Variants in DOT1L observed in about 807,000 individuals in gnomAD.
DOT1L encodes the protein histone-lysine N-methyltransferase, H3 lysine-79 specific.
Under a neutral mutation model 153.3 loss-of-function variants are expected in DOT1L, and 33 were observed. The ratio of observed to expected loss-of-function variants is 0.22; its 90% CI spans 0.16 to 0.29. The LOEUF is 0.29. Ranked by LOEUF, DOT1L falls within the 10% of genes least tolerant of loss-of-function variation. DOT1L has a pLI of 1.00. For missense variants in DOT1L, 1,847 were observed against 2,119.9 expected, an observed-to-expected ratio of 0.87 and a Z score of 2.53; for synonymous variants, 1,135 against 965.1, an observed-to-expected ratio of 1.18 and a Z score of -3.26.
chr19:2,214,434 C>T (rs764824312), intron 18 of DOT1L, 37 bp from the exon 19 acceptor site: 30 of 1,603,964 alleles, frequency 1.9e-5, no homozygotes, highest in Non-Finnish European at 2.4e-5. Context: ...GGGCAGGCAG[C>T]CAGCCAGTCG....
intron 19 of DOT1L, chr19:2,214,816 G>A (rs183122362): frequency 4.5e-5 from 26 of 573,346 alleles, no homozygotes; most frequent in South Asian, 2.0e-4. Flanking sequence ...GGGGCATCTC[G>A]GGATTGCTTG....
In DOT1L at chr19:2,204,709, G is replaced by C. The variant is rs1353259064; in HGVS notation, c.787+1930G>C. ...AGGTGGCCAGTAGTGCTGATTCTAG[G>C]GGCCTTGATGGTCCCAGACATGCCC... On this transcript the variant is annotated intron_variant, in intron 9 of 27. Coordinates refer to ENST00000398665, the MANE Select transcript of DOT1L (RefSeq NM_032482.3). The surrounding 1 kb of genome is among the most constrained non-coding windows in gnomAD (Gnocchi z 5.7). 2.0e-5 allele frequency among the ~76,000 whole-genome samples: 3 copies of C among 152,172 alleles called. No individual in the cohort carries two copies. The highest frequency in any genetic ancestry group is 4.4e-5 in the Non-Finnish European group (3 of 68,040).
intron 16 of DOT1L, 27 bp downstream of exon 16, chr19:2,211,869 G>A (rs750383963): frequency 1.4e-5 from 21 of 1,542,370 alleles, no homozygotes; most frequent in South Asian, 3.6e-5. Flanking sequence ...TTGGCATTCC[G>A]CCTTCCCGCA....
In DOT1L at chr19:2,191,279, C is replaced by G. The variant is rs915624512; in HGVS notation, c.493+39C>G. The G allele has an allele frequency of 1.0e-5, 16 of 1,595,962 alleles. No homozygotes were observed. Among genetic ancestry groups the G allele is most frequent in the Non-Finnish European group, 1.4e-5 (16 of 1,165,044 alleles). On this transcript the variant is annotated intron_variant, in intron 5 of 27. Transcript: ENST00000398665. The surrounding 1 kb of genome is among the most constrained non-coding windows in gnomAD (Gnocchi z 6.8). ...GCCATGCCCGGCTCCTGTGCACTTC[C>G]AGGCCACACGCTCTGTGCCTGCCCC...
intron 25 of DOT1L, among the ~76,000 whole-genome samples, chr19:2,224,582 T>G (rs1211305285): frequency 1.3e-5 from 2 of 151,118 alleles, no homozygotes; most frequent in East Asian, 3.9e-4. Flanking sequence ...TTCTCCTGCC[T>G]CAGCCTCCTG....
intron 3 of DOT1L, among the ~76,000 whole-genome samples, chr19:2,188,019 G>A (rs1261879494): frequency 6.6e-6 from 1 of 151,930 alleles, no homozygotes; most frequent in Non-Finnish European, 1.5e-5. Flanking sequence ...CGGCTCTGTG[G>A]GTTCCTCCGG....
At chr19:2,198,861 T>C (rs1006098379) in intron 7 of DOT1L, among the ~76,000 whole-genome samples, 2 of 152,168 alleles carry the variant, frequency 1.3e-5, no homozygotes, top group African/African-American at 4.8e-5. Flanking sequence ...TCAAGGTGCA[T>C]CCGCGATGTG....
chr19:2,210,435 C>G lies in DOT1L; in HGVS notation c.1041C>G (p.Arg347=), dbSNP rs375593817. 6.4e-6 allele frequency: 10 copies of G among 1,565,862 alleles called. No individual in the cohort carries two copies. The highest frequency in any genetic ancestry group is 1.9e-5 in the Admixed American group (1 of 53,082). Residue 347 remains arginine (R), a synonymous_variant, in exon 13 of 28, where the codon CGC becomes CGG. Transcript: ENST00000398665. ...AGGCAGCCCGGCGCCGCCAGCAGCG[C>G]GAGAGCAAGAGCAACGCGGCCACGC... ...EQEAARRRQQ[R]ESKSNAATPT...
intron 18 of DOT1L, 163 bp downstream of exon 18, chr19:2,214,149 G>A: frequency 8.0e-7 from 1 of 1,253,010 alleles, no homozygotes; most frequent in Non-Finnish European, 1.1e-6. Context: ...GCGCGTCACA[G>A]CAGGCAGGCC....
rs912216613 is a variant in DOT1L, at chr19:2,164,273, C to T, written c.81+8C>T. On this transcript the variant is annotated splice_region_variant and intron_variant, in intron 1 of 27. Transcript: ENST00000398665. ...TGGCCGCTGCCGGTCTACGTGAGTG[C>T]CGCCCTCCACCGTCCCTACCTCCCG... The T allele has an allele frequency of 7.9e-6, 10 of 1,259,748 alleles. No individual in the cohort carries two copies. In the African/African-American group the frequency reaches 1.1e-4, roughly 14 times the overall value. 78.0% of individuals were successfully genotyped at this position (1,259,748 alleles called of 1,614,324 possible). A position where few individuals can be genotyped will look rare whatever the true frequency, so the allele number is the denominator to read the frequency against.
rs969521188 is a variant in DOT1L at position 2,190,582 on chromosome 19, C to G, written c.265-430C>G. Among the ~76,000 whole-genome samples, 3 of 152,102 alleles carry G rather than the reference C, an allele frequency of 2.0e-5. No homozygotes were observed. The highest frequency in any genetic ancestry group is 7.2e-5 in the African/African-American group (3 of 41,420). ...CTGCTGCAGCTGGTGGGGAGGAAGG[C>G]GGGGTCCCACGTAGTCGAGTCAGAT... On this transcript the variant is annotated intron_variant, in intron 4 of 27. Coordinates refer to ENST00000398665, the MANE Select transcript of DOT1L (RefSeq NM_032482.3). This position sits in a 1 kb window ranked among gnomAD's most constrained non-coding sequence, Gnocchi z 4.8.
chr19:2,196,323 T>C (rs949911205), intron 7 of DOT1L, among the ~76,000 whole-genome samples: 1 of 152,010 alleles, frequency 6.6e-6, no homozygotes, highest in Non-Finnish European at 1.5e-5. Context: ...AGCCCAGGAG[T>C]TCGGACACAT....
chr19:2,226,826 C>T lies in DOT1L; in HGVS notation c.4305C>T (p.Pro1435=), dbSNP rs757371210. Residue 1435 remains proline (P), a synonymous_variant, in exon 27 of 28, where the codon CCC becomes CCT. Transcript: ENST00000398665. ...NLFISAAAVP[P]GSLLSGPGLA... is the part of the protein sequence containing the mutation. ...TCATCTCTGCGGCGGCCGTGCCTCC[C>T]GGAAGCCTCCTCAGCGGCCCCGGCC... The T allele has an allele frequency of 3.4e-5, 54 of 1,581,418 alleles. No homozygotes were observed. In the Admixed American group the frequency reaches 7.5e-4, roughly 22 times the overall value.
At position 2,211,229 on chromosome 19, in the gene DOT1L, C is replaced by A; in HGVS notation, c.1465+17C>A. 1 of 1,585,618 alleles carries A rather than the reference C, an allele frequency of 6.3e-7. No homozygotes were observed. The highest frequency in any genetic ancestry group is 1.1e-5 in the South Asian group (1 of 89,648). On this transcript the variant is annotated intron_variant, in intron 15 of 27. Transcript: ENST00000398665. ...AGCTTCTAGGTGAGCCCGTGTGAGG[C>A]GTCCGGCGAAGGGTTCTGGGCTTGG... is the stretch of plus-strand genomic sequence containing the variant.
At chr19:2,184,782 C>T (rs1024604987) in intron 2 of DOT1L, among the ~76,000 whole-genome samples, 3 of 152,214 alleles carry the variant, frequency 2.0e-5, no homozygotes, top group South Asian at 2.1e-4. Flanking sequence ...CTTGTTCCTT[C>T]GGTGAATTGC....
Position 2,216,341 on chromosome 19 carries a change from T to C in DOT1L, c.1984T>C (p.Cys662Arg). ...GCAGGAGCTCCTGCAGCTCAAGTCC[T>C]GTGTGCCGCCTGACGACGCCCTGTC... is the stretch of plus-strand genomic sequence containing the variant. ...RQQELLQLKSCVPPDDALSLH... is the reference protein window; with the variant it reads ...RQQELLQLKSRVPPDDALSLH... Residue 662 changes from cysteine to arginine, a missense_variant, in exon 20 of 28, where the codon TGT becomes CGT. Physicochemically the swap from Cys to Arg is radical, Grantham distance 180. Around this residue, in one of 8 missense-constraint regions of DOT1L, gnomAD observed 156 missense variants for 235.7 expected, o/e 0.66. Coordinates refer to ENST00000398665, the MANE Select transcript of DOT1L (RefSeq NM_032482.3). The C allele has an allele frequency of 6.2e-7, 1 of 1,605,964 alleles. No homozygotes were observed. Among genetic ancestry groups the C allele is most frequent in the Non-Finnish European group, 8.5e-7 (1 of 1,174,674 alleles).
At chr19:2,202,309 G>A (rs1321456617) in intron 8 of DOT1L, among the ~76,000 whole-genome samples, 4 of 152,176 alleles carry the variant, frequency 2.6e-5, no homozygotes, top group African/African-American at 7.2e-5. Flanking sequence ...TCTGCTTGGC[G>A]CCCCCTGTTG....
chr19:2,179,468 G>A (rs972582577), intron 1 of DOT1L, among the ~76,000 whole-genome samples: 29 of 152,078 alleles, frequency 1.9e-4, no homozygotes, highest in Non-Finnish European at 3.4e-4. Flanking sequence ...TTGCTTTGGC[G>A]TTTACCTATT....
intron 1 of DOT1L, among the ~76,000 whole-genome samples, chr19:2,169,201 C>T (rs1026976915): frequency 5.3e-5 from 8 of 152,104 alleles, no homozygotes; most frequent in Middle Eastern, 3.4e-3. Context: ...GCAGCCGGGG[C>T]GGGGTGAGCT....
Sources: allele counts gnomAD v4.1 joint callset (sites outside exome capture counted in the v4.1 genomes callset), GRCh38; gene constraint gnomAD v4.1.1; regional missense constraint gnomAD v4.1.1; non-coding constraint Gnocchi (gnomAD v3.1); transcripts MANE v1.5; gene names NCBI Gene and HGNC (gene_info 2026-07-23, HGNC 2026-07-21).